Variants in TBC1D2 observed in about 807,000 individuals in gnomAD.
TBC1D2 encodes TBC1 domain family member 2.
Under a neutral mutation model 91.1 loss-of-function variants are expected in TBC1D2, and 58 were observed. That is an observed-to-expected ratio of 0.64 (90% CI 0.52 to 0.79). TBC1D2 has a LOEUF of 0.79. TBC1D2 is among the 30% of genes least tolerant of loss of function. The probability of loss-of-function intolerance (pLI) is 0.00; values close to 1 mark genes in which losing one functional copy is unlikely to be tolerated. For synonymous variants in TBC1D2, 482 were observed against 511.5 expected (o/e 0.94, Z 0.78); for missense variants, 1,080 against 1,208.3 (o/e 0.89, Z 1.57).
rs572368805 is a variant in TBC1D2 at position 98,213,174 on chromosome 9, G to A, written c.1419C>T (p.Ser473=). The part of the protein sequence containing the change: ...AYRTQNCFLN[S]EIHQVTKIWR... ...AGATCTTTGTGACCTGGTGGATCTC[G>A]GAGTTGAGGAAGCAGTTCTGGGTCC... Residue 473 remains serine, a synonymous_variant, in exon 7 of 13, where the codon TCC becomes TCT. Coordinates refer to ENST00000465784, the MANE Select transcript of TBC1D2 (RefSeq NM_001267571.2). 4.3e-6 allele frequency: 7 copies of A among 1,614,162 alleles called. No individual in the cohort carries two copies. In the South Asian group the frequency reaches 5.5e-5, roughly 13 times the overall value.
intron 3 of TBC1D2, among the ~76,000 whole-genome samples, chr9:98,238,875 A>C (rs28830612): frequency 0.02 from 2,994 of 149,870 alleles, 141 homozygotes; most frequent in African/African-American, 0.072. Flanking sequence ...GGCCTGTACC[A>C]CCATGGCCGG....
At chr9:98,240,408 C>T (rs1277480522) in intron 3 of TBC1D2, among the ~76,000 whole-genome samples, 1 of 152,200 alleles carries the variant, frequency 6.6e-6, no homozygotes, top group Non-Finnish European at 1.5e-5. Flanking sequence ...TTCCCTTTCC[C>T]AGTCTTGCCT....
intron 12 of TBC1D2, 130 bp from the exon 13 acceptor site, chr9:98,199,718 G>T: frequency 1.1e-6 from 1 of 888,712 alleles, no homozygotes; most frequent in Non-Finnish European, 1.8e-6. Context: ...CCCTCAGGAG[G>T]AAACAATGAA....
intron 5 of TBC1D2, among the ~76,000 whole-genome samples, chr9:98,227,813 T>C (rs1829271161): frequency 6.7e-6 from 1 of 149,942 alleles, no homozygotes. Flanking sequence ...ACTTCTGACA[T>C]GCCAGGAATG....
chr9:98,200,388 G>C lies in TBC1D2; in HGVS notation c.2458-14C>G. 3.1e-6 allele frequency: 5 copies of C among 1,589,540 alleles called. No homozygotes were observed. Among genetic ancestry groups the C allele is most frequent in the Non-Finnish European group, 4.3e-6 (5 of 1,167,674 alleles). On this transcript the variant is annotated splice_polypyrimidine_tract_variant and intron_variant, in intron 11 of 12. Transcript: ENST00000465784. Reference sequence around the variant, plus strand: ...GCGAAACACCACCTGGGGGTAGAGTGGGGGCTCAGGTAGGGCATGGGGGGG... The same window carrying C: ...GCGAAACACCACCTGGGGGTAGAGTCGGGGCTCAGGTAGGGCATGGGGGGG...
At chr9:98,229,246 C>T in intron 4 of TBC1D2, 98 bp from the exon 5 acceptor site, 5 of 1,152,232 alleles carry the variant, frequency 4.3e-6, no homozygotes, top group Non-Finnish European at 6.2e-6. Flanking sequence ...TGTTAAAATG[C>T]GGATGGTTGG....
chr9:98,230,735 C>T (rs1043955369), intron 4 of TBC1D2, among the ~76,000 whole-genome samples: 15 of 91,468 alleles, frequency 1.6e-4, no homozygotes, highest in Non-Finnish European at 2.8e-4. Context: ...GAGTTCGAGA[C>T]CACCCGGCCA....
Position 98,255,325 on chromosome 9 carries a change from C to G in TBC1D2, c.217G>C (p.Glu73Gln). Reference protein sequence around the residue: ...GWKSRWFFYDERKCQLYYSRT... With the variant: ...GWKSRWFFYDQRKCQLYYSRT... ...GAGTAATACAGCTGACATTTCCTTT[C>G]GTCGTAGAAGAACCAGCGGGATTTC... is the stretch of plus-strand genomic sequence containing the variant. Residue 73 changes from glutamate to glutamine, a missense_variant, in exon 1 of 13, where the codon GAA (glutamate) becomes CAA (glutamine). Physicochemically the swap from Glu to Gln is conservative, Grantham distance 29. Coordinates refer to ENST00000465784, the MANE Select transcript of TBC1D2 (RefSeq NM_001267571.2). The G allele has an allele frequency of 1.9e-6, 3 of 1,614,254 alleles. No homozygotes were observed. Among genetic ancestry groups the G allele is most frequent in the Admixed American group, 1.7e-5 (1 of 60,036 alleles).
chr9:98,248,868 G>A (rs577584402), intron 2 of TBC1D2, among the ~76,000 whole-genome samples: 2 of 152,240 alleles, frequency 1.3e-5, no homozygotes, highest in East Asian at 1.9e-4. Flanking sequence ...TTGGCTCTGC[G>A]GAGACCGTTG....
At chr9:98,205,249 A>G (rs1171709283) in intron 9 of TBC1D2, among the ~76,000 whole-genome samples, 2 of 152,304 alleles carry the variant, frequency 1.3e-5, no homozygotes, top group East Asian at 3.9e-4. Context: ...GTTAGCTGCC[A>G]GCATTGGTTT....
At chr9:98,244,857 G>A (rs373802408) in intron 2 of TBC1D2, among the ~76,000 whole-genome samples, 2 of 152,058 alleles carry the variant, frequency 1.3e-5, no homozygotes, top group East Asian at 1.9e-4. Flanking sequence ...TTCATATGAC[G>A]GAATATTAAT....
rs201687978 is a variant in TBC1D2 at position 98,210,759 on chromosome 9, C to T, written c.1570G>A (p.Glu524Lys). Reference protein sequence around the residue: ...LRRLQEALGDEASECSELLRQ... With the variant: ...LRRLQEALGDKASECSELLRQ... ...AGCAGCTCTGAGCACTCGCTGGCTT[C>T]GTCCCCCAGGGCCTCCTGCAGCCTT... The change falls in exon 8 of 13, where the codon GAA becomes AAA. Residue 524 changes from glutamate to lysine, a missense_variant. Coordinates refer to ENST00000465784, the MANE Select transcript of TBC1D2 (RefSeq NM_001267571.2). The T allele has an allele frequency of 1.8e-5, 29 of 1,568,436 alleles. No individual in the cohort carries two copies. The highest frequency in any genetic ancestry group is 7.2e-5 in the East Asian group (3 of 41,816).
intron 2 of TBC1D2, among the ~76,000 whole-genome samples, chr9:98,251,174 G>C (rs770241759): frequency 2.0e-5 from 3 of 151,968 alleles, no homozygotes; most frequent in Non-Finnish European, 2.9e-5. Flanking sequence ...AATCCCAGCT[G>C]AGGCTGCCTC....
At chr9:98,208,007 A>G (rs3780447) in intron 9 of TBC1D2, among the ~76,000 whole-genome samples, 15,591 of 152,142 alleles carry the variant, frequency 0.1, 1,006 homozygotes, top group East Asian at 0.21. Flanking sequence ...GGTCTTCTGC[A>G]TGGGTTTCAC....
chr9:98,211,754 T>A (rs1473758355), intron 7 of TBC1D2, among the ~76,000 whole-genome samples: 1 of 151,782 alleles, frequency 6.6e-6, no homozygotes, highest in Non-Finnish European at 1.5e-5. Context: ...CTCTGTTGCC[T>A]GGGCTGCTTC....
chr9:98,253,735 C>T (rs1363272736), intron 1 of TBC1D2, among the ~76,000 whole-genome samples: 1 of 152,170 alleles, frequency 6.6e-6, no homozygotes, highest in Non-Finnish European at 1.5e-5. Flanking sequence ...TGGCTAGCCC[C>T]TTCCACTTGG....
At chr9:98,250,871 G>A (rs1321466091) in intron 2 of TBC1D2, among the ~76,000 whole-genome samples, 1 of 152,168 alleles carries the variant, frequency 6.6e-6, no homozygotes, top group Non-Finnish European at 1.5e-5. Context: ...GCATGGGGGT[G>A]GGAGGGTGTG....
intron 2 of TBC1D2, among the ~76,000 whole-genome samples, chr9:98,247,329 C>CA (rs34334323): frequency 0.038 from 4,154 of 109,132 alleles, 92 homozygotes; most frequent in Non-Finnish European, 0.054. Flanking sequence ...GACTCCGTCT[C>CA]AAAAAAAAAA....
intron 12 of TBC1D2, 78 bp from the exon 13 acceptor site, chr9:98,199,666 C>G: frequency 6.8e-7 from 1 of 1,474,036 alleles, no homozygotes. Context: ...AGACAGACAT[C>G]CCCGCATTCC....
Sources: gnomAD v4.1 joint callset for allele counts (sites outside exome capture counted in the v4.1 genomes callset) on GRCh38, gnomAD v4.1.1 for gene constraint, MANE v1.5 for transcripts, NCBI Gene and HGNC (gene_info 2026-07-23, HGNC 2026-07-21) for gene names.